The following PIK3IP1 variants were observed in gnomAD, a reference collection of about 807,000 sequenced individuals.
PIK3IP1 encodes phosphoinositide-3-kinase interacting protein 1, also known as phosphoinositide-3-kinase-interacting protein 1.
PIK3IP1 carries 28 observed loss-of-function variants against 30.7 expected under a neutral mutation model. The ratio of observed to expected loss-of-function variants is 0.91; its 90% CI spans 0.68 to 1.25. The LOEUF (loss-of-function observed/expected upper bound fraction) is 1.25. Among genes scored for constraint, PIK3IP1 ranks in the 50% most tolerant of loss-of-function variants. The probability of loss-of-function intolerance (pLI) is 0.00; values close to 1 mark genes in which losing one functional copy is unlikely to be tolerated. For synonymous variants in PIK3IP1, 159 were observed against 140.8 expected (o/e 1.13, Z -0.91); for missense variants, 333 against 346.2 (o/e 0.96, Z 0.30).
intron 3 of PIK3IP1, 60 bp downstream of exon 3, chr22:31,290,905 T>G: frequency 6.7e-7 from 1 of 1,493,780 alleles, no homozygotes; most frequent in Admixed American, 2.5e-5. Context: ...GCGCCACGAG[T>G]GTCTCAGCCG....
In PIK3IP1 at chr22:31,292,474, C is replaced by A; in HGVS notation, c.-130G>T. 1 of 725,162 alleles carries A rather than the reference C, an allele frequency of 1.4e-6. No individual in the cohort carries two copies. The highest frequency in any genetic ancestry group is 2.6e-5 in the East Asian group (1 of 39,144). The allele number at this position is 725,162 out of a possible 1,614,324, so 44.9% of individuals were successfully genotyped here. On this transcript the variant is annotated 5_prime_UTR_variant, in exon 1 of 6. Transcript: ENST00000215912. Reference sequence around the variant, plus strand: ...CTTGTTATGCTGTTCTGGTAAACAGCCTCTCTTTAGAACTGGGAGCTTCCC... The same window carrying A: ...CTTGTTATGCTGTTCTGGTAAACAGACTCTCTTTAGAACTGGGAGCTTCCC...
At position 31,283,032 on chromosome 22, in the gene PIK3IP1, G is replaced by A; in HGVS notation, c.*52C>T. The A allele has an allele frequency of 1.4e-6, 2 of 1,403,634 alleles. No individual in the cohort carries two copies. The highest frequency in any genetic ancestry group is 2.0e-6 in the Non-Finnish European group (2 of 1,019,302). 86.9% of individuals were successfully genotyped at this position (1,403,634 alleles called of 1,614,324 possible). On this transcript the variant is annotated 3_prime_UTR_variant, in exon 6 of 6. Coordinates refer to ENST00000215912, the MANE Select transcript of PIK3IP1 (RefSeq NM_052880.5). Reference sequence around the variant, plus strand: ...TGGTAGTTCCTCCTAGCTGTAGGAGGGTGGGCTGTCCTGCACCAGTGTCTG... The same window carrying A: ...TGGTAGTTCCTCCTAGCTGTAGGAGAGTGGGCTGTCCTGCACCAGTGTCTG...
intron 5 of PIK3IP1, among the ~76,000 whole-genome samples, chr22:31,287,970 T>G (rs1420054306): frequency 7.2e-5 from 11 of 152,152 alleles, no homozygotes; most frequent in Non-Finnish European, 1.6e-4. Context: ...CTGTTATTAT[T>G]ATACCCAAAC....
At chr22:31,284,291 C>T (rs574458485) in intron 5 of PIK3IP1, among the ~76,000 whole-genome samples, 1 of 152,346 alleles carries the variant, frequency 6.6e-6, no homozygotes, top group African/African-American at 2.4e-5. Flanking sequence ...TTACCTGTGG[C>T]CAGCTGAGCT....
Position 31,283,236 on chromosome 22 carries a change from G to T in PIK3IP1, c.640C>A (p.Gln214Lys). The T allele has an allele frequency of 6.2e-7, 1 of 1,614,186 alleles. No individual in the cohort carries two copies. The highest frequency in any genetic ancestry group is 8.5e-7 in the Non-Finnish European group (1 of 1,180,024). ...GCAGACAAGGGCAGAGTGATTCGCT[G>T]CATCTCCCTCTCACATACTTTCTGA... ...HDQKVCEREMQRITLPLSAFT... is the reference protein window; with the variant it reads ...HDQKVCEREMKRITLPLSAFT... Residue 214 changes from glutamine (Q) to lysine (K), a missense_variant, in exon 6 of 6, where the codon CAG becomes AAG. Gln to Lys is a moderately conservative substitution (Grantham distance 53). Transcript: ENST00000215912.
chr22:31,291,748 C>G (rs2049181470), intron 1 of PIK3IP1, among the ~76,000 whole-genome samples: 2 of 152,158 alleles, frequency 1.3e-5, no homozygotes, highest in Admixed American at 1.3e-4. Flanking sequence ...GGCCACGTTA[C>G]ATAAACTCCG....
Position 31,281,808 on chromosome 22 carries a change from A to ACC in PIK3IP1, c.*1274_*1275dup, listed in dbSNP as rs200573615. The ACC allele has an allele frequency of 5.5e-5, 3 of 54,774 alleles. No homozygotes were observed. Among genetic ancestry groups the ACC allele is most frequent in the South Asian group, 5.8e-4 (1 of 1,722 alleles). 3.4% of individuals were successfully genotyped at this position (54,774 alleles called of 1,614,324 possible). On this transcript the variant is annotated 3_prime_UTR_variant, in exon 6 of 6. Coordinates refer to ENST00000215912, the MANE Select transcript of PIK3IP1 (RefSeq NM_052880.5). Reference sequence around the variant, plus strand: ...GATGGCTCCATAGAAAGCCCCACTAACCCGTCTCCACATTGGGCAGTGGAA... The same window carrying ACC: ...GATGGCTCCATAGAAAGCCCCACTAACCCCCGTCTCCACATTGGGCAGTGGAA...
chr22:31,283,699 A>T (rs1218669725), intron 5 of PIK3IP1, among the ~76,000 whole-genome samples: 1 of 151,736 alleles, frequency 6.6e-6, no homozygotes, highest in African/African-American at 2.4e-5. Context: ...TACTGGGATT[A>T]CAGGCGTGAG....
At chr22:31,286,401 C>G (rs1026248610) in intron 5 of PIK3IP1, among the ~76,000 whole-genome samples, 4 of 152,176 alleles carry the variant, frequency 2.6e-5, no homozygotes, top group African/African-American at 9.7e-5. Flanking sequence ...CTTTTCAGGA[C>G]ACTCTGCTCT....
chr22:31,288,005 G>A (rs1164251972), intron 5 of PIK3IP1, among the ~76,000 whole-genome samples: 1 of 152,148 alleles, frequency 6.6e-6, no homozygotes, highest in East Asian at 1.9e-4. Flanking sequence ...CTGTAATGAG[G>A]AGGTTGACTA....
At position 31,292,428 on chromosome 22, in the gene PIK3IP1, A is replaced by T; in HGVS notation, c.-84T>A. On this transcript the variant is annotated 5_prime_UTR_variant, in exon 1 of 6. Coordinates refer to ENST00000215912, the MANE Select transcript of PIK3IP1 (RefSeq NM_052880.5). The stretch of plus-strand genomic sequence containing the variant: ...GGCGGCGGCTCTGCCTCCCAGTCCC[A>T]GCCTTGCAGTCAGACCTGCCCTTGT... 1 of 1,157,902 alleles carries T rather than the reference A, an allele frequency of 8.6e-7. No individual in the cohort carries two copies. Among genetic ancestry groups the T allele is most frequent in the Non-Finnish European group, 1.3e-6 (1 of 766,418 alleles). The allele number at this position is 1,157,902 out of a possible 1,614,324, so 71.7% of individuals were successfully genotyped here.
Position 31,291,300 on chromosome 22 carries a change from T to G in PIK3IP1, c.71-4A>C. 4 of 1,556,538 alleles carry G rather than the reference T, an allele frequency of 2.6e-6. No homozygotes were observed. Among genetic ancestry groups the G allele is most frequent in the Non-Finnish European group, 3.5e-6 (4 of 1,150,778 alleles). On this transcript the variant is annotated splice_polypyrimidine_tract_variant and splice_region_variant and intron_variant, in intron 1 of 5. Coordinates refer to ENST00000215912, the MANE Select transcript of PIK3IP1 (RefSeq NM_052880.5). The stretch of plus-strand genomic sequence containing the variant: ...TGGCCGTTGTCCCAGAAACAGCCTG[T>G]GAGGAAAAGAAGCCCCCGGACACAG...
chr22:31,289,508 C>A lies in PIK3IP1; in HGVS notation c.499G>T (p.Gly167Ter), dbSNP rs780530857. 1 of 1,535,344 alleles carries A rather than the reference C, an allele frequency of 6.5e-7. No individual in the cohort carries two copies. Among genetic ancestry groups the A allele is most frequent in the Non-Finnish European group, 8.8e-7 (1 of 1,139,336 alleles). Residue 167 changes from glycine to a stop codon, truncating the protein, a stop_gained, in exon 4 of 6, where the codon GGA becomes TGA. Coordinates refer to ENST00000215912, the MANE Select transcript of PIK3IP1 (RefSeq NM_052880.5). LOFTEE classifies it high-confidence loss of function. Reference sequence around the variant, plus strand: ...TGGGGGACCGTCATACCCAGAGTTCCCAGGTCCTTTTTCTCCTTGGAGTTC... The same window carrying A: ...TGGGGGACCGTCATACCCAGAGTTCACAGGTCCTTTTTCTCCTTGGAGTTC... ...RMNSKEKKDLGTLGYVLGITM... is the reference protein window; with the variant it reads ...RMNSKEKKDL
At chr22:31,287,395 A>G (rs2049140446) in intron 5 of PIK3IP1, among the ~76,000 whole-genome samples, 1 of 147,706 alleles carries the variant, frequency 6.8e-6, no homozygotes, top group African/African-American at 2.5e-5. Flanking sequence ...CAGTGGCACA[A>G]TCTCGGCTCA....
chr22:31,289,810 C>G (rs1245236715), intron 3 of PIK3IP1, 111 bp from the exon 4 acceptor site: 1 of 1,162,238 alleles, frequency 8.6e-7, no homozygotes, highest in East Asian at 2.6e-5. Context: ...TAAGAATTTC[C>G]CCCCACACAC....
At position 31,281,685 on chromosome 22, in the gene PIK3IP1, T is replaced by C. The variant is rs1406912082; in HGVS notation, c.*1399A>G. On this transcript the variant is annotated 3_prime_UTR_variant, in exon 6 of 6. Transcript: ENST00000215912. ...GAATGAGGTATATAAAACATGTATA[T>C]AGAGAAATGCCTTTATAGAAAAGTA... 6.6e-6 allele frequency: 1 copy of C among 152,492 alleles called. No individual in the cohort carries two copies. Among genetic ancestry groups the C allele is most frequent in the African/African-American group, 2.4e-5 (1 of 41,422 alleles). 9.4% of individuals were successfully genotyped at this position (152,492 alleles called of 1,614,324 possible). A position where few individuals can be genotyped will look rare whatever the true frequency, so the allele number is the denominator to read the frequency against.
At chr22:31,288,679 C>G (rs2049149669) in intron 5 of PIK3IP1, among the ~76,000 whole-genome samples, 2 of 152,232 alleles carry the variant, frequency 1.3e-5, no homozygotes, top group South Asian at 4.1e-4. Context: ...GCATTCTTCT[C>G]CTGCTGTCCC....
intron 5 of PIK3IP1, among the ~76,000 whole-genome samples, chr22:31,287,615 C>T (rs1351816249): frequency 6.6e-6 from 1 of 152,108 alleles, no homozygotes; most frequent in Non-Finnish European, 1.5e-5. Context: ...CAGGTGTGAG[C>T]CACCACGCCC....
intron 5 of PIK3IP1, among the ~76,000 whole-genome samples, chr22:31,284,190 C>T (rs1416180679): frequency 6.6e-6 from 1 of 152,226 alleles, no homozygotes; most frequent in Non-Finnish European, 1.5e-5. Context: ...AGGCGTGAGC[C>T]ACCACACCCA....
Sources: allele counts gnomAD v4.1 joint callset (sites outside exome capture counted in the v4.1 genomes callset), GRCh38; gene constraint gnomAD v4.1.1; transcripts MANE v1.5; gene names NCBI Gene and HGNC (gene_info 2026-07-23, HGNC 2026-07-21).